NELL1: variants seen among roughly 807,000 people sequenced by gnomAD.
NELL1 encodes neural EGFL like 1.
A neutral mutation model predicts 107.4 loss-of-function variants in NELL1; 76 were observed. The observed-to-expected ratio is 0.71, with a 90% CI of 0.59 to 0.86. The LOEUF (loss-of-function observed/expected upper bound fraction) is 0.86. NELL1 is among the 40% of genes least tolerant of loss of function. The pLI, the probability that NELL1 is intolerant of heterozygous loss-of-function variation, is 0.00. For missense variants in NELL1, 1,024 were observed against 1,005.5 expected, an observed-to-expected ratio of 1.02 and a Z score of -0.25; for synonymous variants, 353 against 341.2, an observed-to-expected ratio of 1.03 and a Z score of -0.38.
intron 12 of NELL1, among the ~76,000 whole-genome samples, chr11:21,081,172 G>A (rs1488243930): frequency 1.3e-5 from 2 of 152,028 alleles, no homozygotes; most frequent in South Asian, 2.1e-4. Flanking sequence ...TATCACTGCT[G>A]TCACCTTATT....
chr11:20,761,753 T>C (rs1856425618), intron 2 of NELL1, among the ~76,000 whole-genome samples: 1 of 152,254 alleles, frequency 6.6e-6, no homozygotes, highest in Non-Finnish European at 1.5e-5. Context: ...TAGCTGGTTT[T>C]GCATGTGTGA....
At chr11:21,186,829 G>GA (rs1856945121) in intron 13 of NELL1, among the ~76,000 whole-genome samples, 1 of 151,822 alleles carries the variant, frequency 6.6e-6, no homozygotes, top group African/African-American at 2.4e-5. Context: ...AGGAGAAAGG[G>GA]AAAAATAAAC....
rs1856367138 is a variant in NELL1 at position 21,544,071 on chromosome 11, A to C, written c.1786+9557A>C. On this transcript the variant is annotated intron_variant, in intron 16 of 19. Coordinates refer to ENST00000357134, the MANE Select transcript of NELL1 (RefSeq NM_006157.5). ...ACTATGACTAGTCATAAAGAAAAAGAAAAAAACTACAACTTTGGACCATGA... is the reference window on the plus strand; with the variant it reads ...ACTATGACTAGTCATAAAGAAAAAGCAAAAAACTACAACTTTGGACCATGA... 2.0e-5 allele frequency among the ~76,000 whole-genome samples: 3 copies of C among 152,122 alleles called. No individual in the cohort carries two copies. The South Asian group carries it at 6.2e-4, about 32-fold the overall frequency.
intron 14 of NELL1, among the ~76,000 whole-genome samples, chr11:21,264,542 T>C (rs972291074): frequency 1.3e-5 from 2 of 151,994 alleles, no homozygotes; most frequent in Non-Finnish European, 2.9e-5. Context: ...GCTAAACTAC[T>C]TGGCTAAAAT....
At chr11:20,963,953 G>C (rs2134219289) in intron 12 of NELL1, among the ~76,000 whole-genome samples, 1 of 152,224 alleles carries the variant, frequency 6.6e-6, no homozygotes, top group Admixed American at 6.5e-5. Context: ...TGGCATATTG[G>C]CTCCTGCTCT....
chr11:20,896,546 C>T (rs984842518), intron 5 of NELL1, among the ~76,000 whole-genome samples: 4 of 152,128 alleles, frequency 2.6e-5, no homozygotes, highest in African/African-American at 9.7e-5. Context: ...TAAAGAATCT[C>T]CATACTGTTT....
intron 15 of NELL1, among the ~76,000 whole-genome samples, chr11:21,531,743 C>T (rs1291593035): frequency 6.6e-6 from 1 of 152,146 alleles, no homozygotes; most frequent in Non-Finnish European, 1.5e-5. Context: ...GAACTTAGAG[C>T]TTCTGTCTTG....
chr11:20,989,731 A>T (rs9804622), intron 12 of NELL1, among the ~76,000 whole-genome samples: 1 of 151,902 alleles, frequency 6.6e-6, no homozygotes, highest in African/African-American at 2.4e-5. Flanking sequence ...GGTGGCTCAC[A>T]CCTGTAATCA....
chr11:21,518,579 G>A (rs1267800203), intron 15 of NELL1, among the ~76,000 whole-genome samples: 1 of 152,144 alleles, frequency 6.6e-6, no homozygotes, highest in African/African-American at 2.4e-5. Context: ...GCATCATTCA[G>A]AATAGAATTC....
chr11:20,835,838 TAGG>T (rs1848525288), intron 3 of NELL1, among the ~76,000 whole-genome samples: 1 of 152,008 alleles, frequency 6.6e-6, no homozygotes, highest in South Asian at 2.1e-4. Flanking sequence ...AAAGAAAACA[TAGG>T]AGAAAATCTA....
Position 21,230,179 on chromosome 11 carries a change from C to T in NELL1, c.1549+725C>T, listed in dbSNP as rs538526727. On this transcript the variant is annotated intron_variant, in intron 14 of 19. Coordinates refer to ENST00000357134, the MANE Select transcript of NELL1 (RefSeq NM_006157.5). ...TACGCTTAGTACTTCTTAGCCCACACCAGGCTTGATTTTTTTCTTCACAAA... is the reference window on the plus strand; with the variant it reads ...TACGCTTAGTACTTCTTAGCCCACATCAGGCTTGATTTTTTTCTTCACAAA... 2.7e-4 allele frequency among the ~76,000 whole-genome samples: 41 copies of T among 152,330 alleles called. No individual in the cohort carries two copies. The South Asian group carries it at 8.3e-3, about 31-fold the overall frequency.
chr11:20,859,878 A>C (rs1848948483), intron 4 of NELL1, among the ~76,000 whole-genome samples: 1 of 152,204 alleles, frequency 6.6e-6, no homozygotes, highest in Non-Finnish European at 1.5e-5. Flanking sequence ...AGGTTGATAC[A>C]TAATGACTTA....
At chr11:21,365,813 A>T (rs1451958597) in intron 14 of NELL1, among the ~76,000 whole-genome samples, 1 of 150,000 alleles carries the variant, frequency 6.7e-6, no homozygotes, top group East Asian at 2.0e-4. Flanking sequence ...TTTGGGGGAG[A>T]GGTTGAGGGG....
intron 14 of NELL1, among the ~76,000 whole-genome samples, chr11:21,316,688 G>C (rs1420271423): frequency 6.6e-6 from 1 of 152,138 alleles, no homozygotes; most frequent in Non-Finnish European, 1.5e-5. Context: ...CCCTAAAAAT[G>C]GGTCAGATGT....
intron 12 of NELL1, among the ~76,000 whole-genome samples, chr11:21,037,990 C>G (rs1186716238): frequency 6.6e-6 from 1 of 152,006 alleles, no homozygotes; most frequent in Non-Finnish European, 1.5e-5. Flanking sequence ...TGTTAAATAA[C>G]AGAACAGGAA....
intron 15 of NELL1, among the ~76,000 whole-genome samples, chr11:21,449,509 G>T (rs4558164): frequency 0.69 from 104,856 of 151,674 alleles, 39,387 homozygotes; most frequent in South Asian, 0.88. Flanking sequence ...TAGCTTTGTG[G>T]CTTGTCTTTT....
chr11:21,371,508 A>T (rs1294686625), intron 15 of NELL1, among the ~76,000 whole-genome samples: 1 of 152,116 alleles, frequency 6.6e-6, no homozygotes, highest in Non-Finnish European at 1.5e-5. Context: ...ATTTGCAATA[A>T]ATGTTGTGTT....
intron 14 of NELL1, among the ~76,000 whole-genome samples, chr11:21,288,595 A>G (rs1423490582): frequency 6.6e-6 from 1 of 152,136 alleles, no homozygotes; most frequent in Non-Finnish European, 1.5e-5. Context: ...AAGTTGCTTA[A>G]CCTCTCTGAT....
chr11:20,862,605 C>CTTTGTTTT (rs1848998211), intron 4 of NELL1, among the ~76,000 whole-genome samples: 1 of 94,650 alleles, frequency 1.1e-5, no homozygotes, highest in Non-Finnish European at 1.9e-5. Context: ...TGAGCTGCTG[C>CTTTGTTTT]TTTTTTTTTT....
Sources: allele counts gnomAD v4.1 joint callset (sites outside exome capture counted in the v4.1 genomes callset), GRCh38; gene constraint gnomAD v4.1.1; transcripts MANE v1.5; gene names NCBI Gene and HGNC (gene_info 2026-07-23, HGNC 2026-07-21).